The following GLG1 variants were observed in gnomAD, a reference collection of about 807,000 sequenced individuals.
GLG1 encodes Golgi apparatus protein 1.
Under a neutral mutation model 160.5 loss-of-function variants are expected in GLG1, and 38 were observed. The observed-to-expected ratio is 0.24, with a 90% CI of 0.18 to 0.31. GLG1 has a LOEUF of 0.31. Ranked by LOEUF, GLG1 falls within the 10% of genes least tolerant of loss-of-function variation. The pLI is 1.00. For synonymous variants in GLG1, 644 were observed against 543.4 expected, an observed-to-expected ratio of 1.19 and a Z score of -2.57; for missense variants, 1,373 against 1,505.2, an observed-to-expected ratio of 0.91 and a Z score of 1.45.
chr16:74,557,862 G>T (rs761538840), intron 1 of GLG1, among the ~76,000 whole-genome samples: 1 of 152,006 alleles, frequency 6.6e-6, no homozygotes, highest in African/African-American at 2.4e-5. Flanking sequence ...TGGGATTACA[G>T]GCGTGAGCCA....
chr16:74,508,602 T>C (rs1254734825), intron 3 of GLG1, among the ~76,000 whole-genome samples: 1 of 152,158 alleles, frequency 6.6e-6, no homozygotes. Flanking sequence ...TTACTTGCTG[T>C]TTTGAGACCA....
At chr16:74,591,750 G>C (rs749910715) in intron 1 of GLG1, among the ~76,000 whole-genome samples, 3 of 152,080 alleles carry the variant, frequency 2.0e-5, no homozygotes, top group Non-Finnish European at 2.9e-5. Flanking sequence ...TTCCAACCTG[G>C]GAAATATGAG....
At chr16:74,485,962 T>C (rs756717455) in intron 8 of GLG1, 45 bp from the exon 9 acceptor site, 12 of 1,548,438 alleles carry the variant, frequency 7.7e-6, no homozygotes, top group Non-Finnish European at 1.1e-5. Flanking sequence ...GTCACTTAGG[T>C]GCTAGGTAAG....
At chr16:74,564,771 T>G (rs1006992616) in intron 1 of GLG1, among the ~76,000 whole-genome samples, 2 of 152,204 alleles carry the variant, frequency 1.3e-5, no homozygotes, top group African/African-American at 2.4e-5. Context: ...CAAACCTAAA[T>G]GAAGTCACTC....
chr16:74,462,731 T>C, intron 20 of GLG1, 101 bp from the exon 21 acceptor site: 1 of 1,033,442 alleles, frequency 9.7e-7, no homozygotes, highest in Non-Finnish European at 1.5e-6. Context: ...TCAATGATCA[T>C]GACTACAACC....
intron 1 of GLG1, among the ~76,000 whole-genome samples, chr16:74,579,416 AAAAC>A (rs967191866): frequency 6.6e-5 from 10 of 152,180 alleles, no homozygotes; most frequent in South Asian, 2.1e-4. Context: ...AACTTGTCTC[AAAAC>A]AAACAAACAA....
At chr16:74,517,858 G>T (rs28762730) in intron 2 of GLG1, among the ~76,000 whole-genome samples, 100,972 of 152,028 alleles carry the variant, frequency 0.66, 33,713 homozygotes, top group East Asian at 0.81. Flanking sequence ...AAAGTCTCAG[G>T]ATACAAAATC....
At chr16:74,486,867 T>TGTCTTACTACA (rs2015801365) in intron 8 of GLG1, among the ~76,000 whole-genome samples, 1 of 152,052 alleles carries the variant, frequency 6.6e-6, no homozygotes, top group Non-Finnish European at 1.5e-5. Flanking sequence ...ACATGAAAGA[T>TGTCTTACTACA]GATTATTACT....
At chr16:74,580,672 G>T (rs1957918618) in intron 1 of GLG1, among the ~76,000 whole-genome samples, 1 of 152,104 alleles carries the variant, frequency 6.6e-6, no homozygotes, top group Admixed American at 6.6e-5. Flanking sequence ...AAATGATAAA[G>T]TAAACTACAT....
intron 6 of GLG1, 33 bp downstream of exon 6, chr16:74,494,727 T>C: frequency 2.0e-6 from 2 of 997,458 alleles, no homozygotes; most frequent in Non-Finnish European, 3.2e-6. Context: ...AAAAAACAAA[T>C]AAAACATTCA....
intron 19 of GLG1, among the ~76,000 whole-genome samples, chr16:74,464,617 T>G (rs2014932789): frequency 6.6e-6 from 1 of 152,202 alleles, no homozygotes; most frequent in South Asian, 2.1e-4. Context: ...TATGGAGACA[T>G]GGATTGTTCA....
intron 13 of GLG1, among the ~76,000 whole-genome samples, chr16:74,473,236 C>T (rs1013992103): frequency 4.0e-5 from 6 of 151,166 alleles, no homozygotes; most frequent in African/African-American, 7.3e-5. Flanking sequence ...TTTATTGAGA[C>T]GGAGTCTGGC....
chr16:74,477,730 T>C (rs1269552546), intron 11 of GLG1, among the ~76,000 whole-genome samples, 197 bp from the exon 12 acceptor site: 1 of 152,082 alleles, frequency 6.6e-6, no homozygotes, highest in Non-Finnish European at 1.5e-5. Flanking sequence ...TCCCAGCACT[T>C]TGGGAGGTCG....
chr16:74,540,764 C>G (rs1178050195), intron 1 of GLG1, among the ~76,000 whole-genome samples: 5 of 151,760 alleles, frequency 3.3e-5, no homozygotes, highest in African/African-American at 1.2e-4. Context: ...CTATCAAATG[C>G]TTGTTCAGAT....
At chr16:74,559,225 G>A (rs568128402) in intron 1 of GLG1, among the ~76,000 whole-genome samples, 10 of 151,882 alleles carry the variant, frequency 6.6e-5, no homozygotes, top group African/African-American at 1.4e-4. Flanking sequence ...TGCTTCATAT[G>A]ACTTTTACTA....
At chr16:74,504,236 G>C (rs761172149) in intron 3 of GLG1, among the ~76,000 whole-genome samples, 1 of 152,182 alleles carries the variant, frequency 6.6e-6, no homozygotes, top group East Asian at 1.9e-4. Flanking sequence ...GCAAACCTAA[G>C]GGCCAAGGAG....
At chr16:74,506,581 C>CAAAAAAAAA (rs56175030) in intron 3 of GLG1, among the ~76,000 whole-genome samples, 3,581 of 38,952 alleles carry the variant, frequency 0.092, 1,180 homozygotes, top group Non-Finnish European at 0.094. Flanking sequence ...GACTCCGTCT[C>CAAAAAAAAA]AAAAAAAAAA....
chr16:74,461,305 C>T (rs1292501945), intron 22 of GLG1, among the ~76,000 whole-genome samples: 1 of 148,406 alleles, frequency 6.7e-6, no homozygotes, highest in African/African-American at 2.5e-5. Context: ...GTAGCTGGGA[C>T]TACAGGTATA....
At chr16:74,524,087 G>A (rs767485758) in intron 2 of GLG1, among the ~76,000 whole-genome samples, 4 of 152,076 alleles carry the variant, frequency 2.6e-5, no homozygotes, top group Non-Finnish European at 5.9e-5. Context: ...GTATGTGCCT[G>A]TAATCCCAGC....
Sources: allele counts gnomAD v4.1 joint callset (sites outside exome capture counted in the v4.1 genomes callset), GRCh38; gene constraint gnomAD v4.1.1; transcripts MANE v1.5; gene names NCBI Gene and HGNC (gene_info 2026-07-23, HGNC 2026-07-21).